Variants in PTPRT observed in about 807,000 individuals in gnomAD.
The protein encoded by PTPRT is receptor-type tyrosine-protein phosphatase T.
Under a neutral mutation model 176.8 loss-of-function variants are expected in PTPRT, and 56 were observed. That is an observed-to-expected ratio of 0.32 (90% CI 0.26 to 0.40). The LOEUF (loss-of-function observed/expected upper bound fraction) is 0.40. Ranked by LOEUF, PTPRT falls within the 10% of genes least tolerant of loss-of-function variation. The pLI is 1.00. For synonymous variants in PTPRT, 783 were observed against 739.0 expected (o/e 1.06, Z -0.96); for missense variants, 1,540 against 1,908.2 (o/e 0.81, Z 3.60).
At chr20:42,413,466 C>T (rs2059036170) in intron 9 of PTPRT, among the ~76,000 whole-genome samples, 1 of 152,088 alleles carries the variant, frequency 6.6e-6, no homozygotes, top group African/African-American at 2.4e-5. Flanking sequence ...CATAGCAAAA[C>T]TTAACAAAAG....
intron 1 of PTPRT, among the ~76,000 whole-genome samples, chr20:43,115,185 C>T (rs913835640): frequency 6.6e-6 from 1 of 152,166 alleles, no homozygotes; most frequent in Non-Finnish European, 1.5e-5. Context: ...CCTCCTCCTT[C>T]TTGGGAAAAG....
intron 6 of PTPRT, among the ~76,000 whole-genome samples, chr20:42,745,878 G>A (rs1041093188): frequency 6.6e-6 from 1 of 152,146 alleles, no homozygotes; most frequent in Admixed American, 6.5e-5. Context: ...GGTAACAGGG[G>A]ACCATGGTGA....
At chr20:42,810,155 G>A (rs73099955) in intron 2 of PTPRT, among the ~76,000 whole-genome samples, 40,270 of 151,924 alleles carry the variant, frequency 0.27, 6,870 homozygotes, top group Non-Finnish European at 0.38. Context: ...TTAACTGGGC[G>A]TGGCAGCGTG....
chr20:42,793,207 G>T (rs753164368), intron 2 of PTPRT, among the ~76,000 whole-genome samples: 3 of 152,124 alleles, frequency 2.0e-5, no homozygotes, highest in Non-Finnish European at 2.9e-5. Context: ...TAAATATAAG[G>T]GATACAAGTG....
At chr20:43,170,105 CA>C (rs1260091894) in intron 1 of PTPRT, among the ~76,000 whole-genome samples, 4 of 151,904 alleles carry the variant, frequency 2.6e-5, no homozygotes, top group Non-Finnish European at 4.4e-5. Context: ...TAATACACAA[CA>C]GCAATGAGAC....
At chr20:42,852,619 C>A (rs2078494937) in intron 2 of PTPRT, among the ~76,000 whole-genome samples, 1 of 151,844 alleles carries the variant, frequency 6.6e-6, no homozygotes, top group South Asian at 2.1e-4. Context: ...TTTTCTTTTC[C>A]ATCAGTTTGA....
intron 8 of PTPRT, among the ~76,000 whole-genome samples, chr20:42,449,130 G>A (rs1456547403): frequency 6.6e-6 from 1 of 152,122 alleles, no homozygotes; most frequent in Non-Finnish European, 1.5e-5. Context: ...TGAACTATGT[G>A]GCTTGAAACC....
intron 7 of PTPRT, among the ~76,000 whole-genome samples, chr20:42,501,201 T>A (rs2071745399): frequency 6.6e-6 from 1 of 152,148 alleles, no homozygotes; most frequent in Admixed American, 6.6e-5. Context: ...CTAGAATAAA[T>A]CATAAGCATC....
At chr20:42,509,556 T>TTAATTTATAGATATATAAATTAA (rs1555872514) in intron 7 of PTPRT, among the ~76,000 whole-genome samples, 3 of 148,658 alleles carry the variant, frequency 2.0e-5, no homozygotes, top group Non-Finnish European at 4.5e-5. Flanking sequence ...CAATTTATAT[T>TTAATTTATAGATATATAAATTAA]TCTATTCAAA....
chr20:42,186,430 C>G (rs1001670767), intron 16 of PTPRT, among the ~76,000 whole-genome samples: 2 of 151,606 alleles, frequency 1.3e-5, no homozygotes, highest in Admixed American at 1.3e-4. Flanking sequence ...ACCACAGGAC[C>G]TTTGACCATG....
chr20:42,352,876 A>G (rs2058306400), intron 9 of PTPRT, among the ~76,000 whole-genome samples: 1 of 152,204 alleles, frequency 6.6e-6, no homozygotes, highest in Admixed American at 6.5e-5. Context: ...AAATTTTTAA[A>G]AAAAGAAACA....
rs781201912 is a variant in PTPRT at position 42,791,185 on chromosome 20, A to G, written c.486+10T>C. On this transcript the variant is annotated intron_variant, in intron 3 of 30. Coordinates refer to ENST00000373187, the MANE Select transcript of PTPRT (RefSeq NM_007050.6). ...ATTTTCAAAAATAAAACCATGGTAA[A>G]ATGCCATACCTGATAGAAATGTGGC... 1 of 1,556,946 alleles carries G rather than the reference A, an allele frequency of 6.4e-7. No individual in the cohort carries two copies. Among genetic ancestry groups the G allele is most frequent in the South Asian group, 1.2e-5 (1 of 82,040 alleles).
At chr20:42,365,294 AT>A (rs1016317287) in intron 9 of PTPRT, among the ~76,000 whole-genome samples, 5 of 151,844 alleles carry the variant, frequency 3.3e-5, no homozygotes, top group African/African-American at 1.2e-4. Context: ...TTTCTCAATC[AT>A]TTTTTTCTTT....
chr20:42,521,039 T>C (rs534638003), intron 7 of PTPRT, among the ~76,000 whole-genome samples: 3 of 151,972 alleles, frequency 2.0e-5, no homozygotes, highest in South Asian at 2.1e-4. Context: ...CATCCATCCA[T>C]CCACCCACCC....
At chr20:42,525,926 C>T (rs967700519) in intron 7 of PTPRT, among the ~76,000 whole-genome samples, 2 of 152,012 alleles carry the variant, frequency 1.3e-5, no homozygotes, top group Non-Finnish European at 2.9e-5. Flanking sequence ...TTGCTGGTTG[C>T]AGATTTTCAG....
At chr20:43,140,974 A>G (rs1265593653) in intron 1 of PTPRT, among the ~76,000 whole-genome samples, 1 of 151,978 alleles carries the variant, frequency 6.6e-6, no homozygotes, top group Non-Finnish European at 1.5e-5. Context: ...CAGGCCAAAG[A>G]CTCTCTCCAA....
rs545501360 is a variant in PTPRT, at chr20:42,181,596, C to A, written c.2491+17644G>T. Among the ~76,000 whole-genome samples the A allele has an allele frequency of 1.8e-4, 28 of 152,210 alleles. 1 individual carries two copies. In the South Asian group the frequency reaches 5.6e-3, roughly 30 times the overall value. ...GCTATGTCTGCAGGTCCTCATTGTCCCAGCAATGCATAAGATCAGTTGACT... is the reference window on the plus strand; with the variant it reads ...GCTATGTCTGCAGGTCCTCATTGTCACAGCAATGCATAAGATCAGTTGACT... On this transcript the variant is annotated intron_variant, in intron 16 of 30. Coordinates refer to ENST00000373187, the MANE Select transcript of PTPRT (RefSeq NM_007050.6).
chr20:42,686,373 G>A (rs1265500572), intron 6 of PTPRT: 1 of 150,246 alleles, frequency 6.7e-6, no homozygotes, highest in Non-Finnish European at 1.5e-5. Flanking sequence ...TGGGACAATG[G>A]GGTGGCTTTA....
chr20:42,689,830 A>C (rs2075763804), intron 6 of PTPRT, among the ~76,000 whole-genome samples: 1 of 152,150 alleles, frequency 6.6e-6, no homozygotes, highest in South Asian at 2.1e-4. Flanking sequence ...TCTAGAATCT[A>C]CAAAAGGCAA....
Sources: gnomAD v4.1 joint callset for allele counts (sites outside exome capture counted in the v4.1 genomes callset) on GRCh38, gnomAD v4.1.1 for gene constraint, MANE v1.5 for transcripts, NCBI Gene and HGNC (gene_info 2026-07-23, HGNC 2026-07-21) for gene names.